Variants in OGG1 observed in about 807,000 individuals in gnomAD.
The protein encoded by OGG1 is 8-oxoguanine DNA glycosylase.
In OGG1, 35 loss-of-function variants were observed where a neutral mutation model predicts 42.3. The observed-to-expected ratio is 0.83, with a 90% CI of 0.63 to 1.10. The LOEUF (loss-of-function observed/expected upper bound fraction) is 1.10, where lower values mean the gene tolerates loss of function less well. Among genes scored for constraint, OGG1 ranks in the 50% least tolerant of loss-of-function variants. OGG1 has a pLI of 0.00. For missense variants in OGG1, 484 were observed against 446.7 expected (o/e 1.08, Z -0.75); for synonymous variants, 189 against 179.0 (o/e 1.06, Z -0.44).
In OGG1 at chr3:9,783,948, GT is replaced by G. The variant is rs1559716840; in HGVS notation, c.382+2349del. The G allele has an allele frequency of 9.4e-6, 14 of 1,482,976 alleles. No homozygotes were observed. The East Asian group carries it at 1.5e-4, about 16-fold the overall frequency. 91.9% of individuals were successfully genotyped at this position (1,482,976 alleles called of 1,614,324 possible). A position where few individuals can be genotyped will look rare whatever the true frequency, so the allele number is the denominator to read the frequency against. On this transcript the variant is annotated intron_variant, in intron 3 of 3. Transcript: ENST00000426518. ...GCCAGCCAGGATTGGAAAGCCTGTT[GT>G]AAAACCCCTGAAAGGTGACTAGCCG...
chr3:9,754,402 C>T (rs1200186980), intron 3 of OGG1, among the ~76,000 whole-genome samples: 5 of 152,140 alleles, frequency 3.3e-5, no homozygotes, highest in Non-Finnish European at 5.9e-5. Context: ...AACACTCTTT[C>T]GGAAAGGTTA....
At chr3:9,764,992 C>G (rs1016274829) in intron 7 of OGG1, among the ~76,000 whole-genome samples, 2 of 151,626 alleles carry the variant, frequency 1.3e-5, no homozygotes, top group Admixed American at 1.3e-4. Flanking sequence ...TTTGGGAGGC[C>G]GAGGCGGGTG....
chr3:9,766,477 G>A, exon 8 of OGG1: 4 of 378,588 alleles, frequency 1.1e-5, no homozygotes, highest in South Asian at 2.5e-5. Context: ...TTGGATCCTG[G>A]GTCAAAAAAA....
At chr3:9,773,221 T>TAC (rs2078323069) in intron 2 of OGG1, among the ~76,000 whole-genome samples, 1 of 136,298 alleles carries the variant, frequency 7.3e-6, no homozygotes, top group Non-Finnish European at 1.5e-5. Flanking sequence ...ACGGCAAGAC[T>TAC]ACATCTCAAA....
chr3:9,788,928 C>T (rs371797443), downstream of OGG1, among the ~76,000 whole-genome samples: 13 of 151,840 alleles, frequency 8.6e-5, no homozygotes, highest in East Asian at 1.6e-3. Context: ...TTCCACCTCC[C>T]GGGTCCAAGA....
intron 7 of OGG1, chr3:9,763,395 C>T (rs2125584557): frequency 5.1e-6 from 1 of 196,208 alleles, no homozygotes; most frequent in South Asian, 1.8e-4. Flanking sequence ...CAGAGTAAGA[C>T]CCTGTCTCAA....
chr3:9,767,777 G>A (rs1215301684), downstream of OGG1: 3 of 1,613,290 alleles, frequency 1.9e-6, no homozygotes, highest in South Asian at 3.3e-5. Context: ...CCACAGCCAG[G>A]GCTCCTGTAA....
chr3:9,784,693 C>T (rs192692786), intron 3 of OGG1, among the ~76,000 whole-genome samples: 75 of 151,768 alleles, frequency 4.9e-4, no homozygotes, highest in African/African-American at 1.7e-3. Context: ...GGTGAAACCC[C>T]GTCTCTACTA....
downstream of OGG1, chr3:9,759,534 G>T: frequency 6.2e-7 from 1 of 1,614,102 alleles, no homozygotes; most frequent in South Asian, 1.1e-5. Flanking sequence ...CTCACTCACC[G>T]ACTGGTGGAT....
downstream of OGG1, chr3:9,761,958 G>T: frequency 1.5e-6 from 1 of 664,788 alleles, no homozygotes. Context: ...GTGTGGGGGG[G>T]AACTGTCTCT....
At chr3:9,767,520 G>T, downstream of OGG1, 1 of 958,528 alleles carries the variant, frequency 1.0e-6, no homozygotes, top group Non-Finnish European at 1.5e-6. Context: ...ATCCAGAAGT[G>T]AAAAGCTGGG....
downstream of OGG1, chr3:9,759,430 G>A: frequency 1.2e-6 from 2 of 1,610,778 alleles, no homozygotes; most frequent in Non-Finnish European, 1.7e-6. Context: ...CTGAGCCTGG[G>A]TAGGGATGGG....
chr3:9,771,863 C>T (rs927823009), intron 2 of OGG1, among the ~76,000 whole-genome samples: 2 of 128,330 alleles, frequency 1.6e-5, no homozygotes, highest in African/African-American at 6.1e-5. Flanking sequence ...GTTGCCCAGG[C>T]TGGAGTGCAA....
At chr3:9,773,485 G>A (rs1173040029) in intron 2 of OGG1, among the ~76,000 whole-genome samples, 1 of 152,078 alleles carries the variant, frequency 6.6e-6, no homozygotes, top group African/African-American at 2.4e-5. Context: ...AGCTTGCAGT[G>A]AGCAGAGACC....
chr3:9,777,007 C>G (rs114993317), intron 2 of OGG1, among the ~76,000 whole-genome samples: 1,630 of 152,324 alleles, frequency 0.011, 24 homozygotes, highest in African/African-American at 0.037. Context: ...CACATTTCCA[C>G]AAAGCTCCTG....
At chr3:9,773,437 A>G (rs2078326450) in intron 2 of OGG1, among the ~76,000 whole-genome samples, 1 of 152,034 alleles carries the variant, frequency 6.6e-6, no homozygotes, top group Non-Finnish European at 1.5e-5. Flanking sequence ...GCTAATCAGG[A>G]GGCTGAGGCA....
chr3:9,765,452 ACAC>A (rs1426931625), intron 7 of OGG1, among the ~76,000 whole-genome samples: 1 of 152,146 alleles, frequency 6.6e-6, no homozygotes, highest in Admixed American at 6.5e-5. Context: ...TCCAGAGACA[ACAC>A]CAACTGAGAT....
chr3:9,780,260 G>C, intron 2 of OGG1: 11 of 1,337,866 alleles, frequency 8.2e-6, no homozygotes, highest in Non-Finnish European at 1.1e-5. Context: ...CCATTTGAGG[G>C]ACAGCCACAG....
At chr3:9,788,079 T>G (rs2078656973) in exon 4 of OGG1, 2 of 236,074 alleles carry the variant, frequency 8.5e-6, no homozygotes, top group African/African-American at 4.5e-5. Context: ...GACTTGATCC[T>G]GTAGATAACG....
Sources: gnomAD v4.1 joint callset for allele counts (sites outside exome capture counted in the v4.1 genomes callset) on GRCh38, gnomAD v4.1.1 for gene constraint, MANE v1.5 for transcripts, NCBI Gene and HGNC (gene_info 2026-07-23, HGNC 2026-07-21) for gene names.